Variants in SMARCA2 observed in about 807,000 individuals in gnomAD.
SMARCA2 encodes the protein SWI/SNF-related matrix-associated actin-dependent regulator of chromatin subfamily A member 2.
A neutral mutation model predicts 199.8 loss-of-function variants in SMARCA2; 61 were observed. That is an observed-to-expected ratio of 0.31 (90% CI 0.25 to 0.38). The LOEUF is 0.38. Among genes scored for constraint, SMARCA2 ranks in the 10% least tolerant of loss-of-function variants. The pLI is 1.00. For synonymous variants in SMARCA2, 935 were observed against 732.0 expected (o/e 1.28, Z -4.48); for missense variants, 1,344 against 2,012.2 (o/e 0.67, Z 6.35).
intron 28 of SMARCA2, among the ~76,000 whole-genome samples, chr9:2,167,059 T>G (rs1825967092): frequency 6.6e-6 from 1 of 152,232 alleles, no homozygotes; most frequent in South Asian, 2.1e-4. Flanking sequence ...AGTGTAACAG[T>G]CTCAAATTTT....
At chr9:2,144,234 GTCT>G (rs1399063465) in intron 27 of SMARCA2, among the ~76,000 whole-genome samples, 3 of 152,152 alleles carry the variant, frequency 2.0e-5, no homozygotes, top group Non-Finnish European at 2.9e-5. Flanking sequence ...GCATTCCTCA[GTCT>G]TCTTTTCTGA....
intron 27 of SMARCA2, among the ~76,000 whole-genome samples, chr9:2,152,412 G>A (rs1027717174): frequency 2.6e-5 from 4 of 152,050 alleles, no homozygotes; most frequent in African/African-American, 9.7e-5. Flanking sequence ...GATTAGCCAG[G>A]TGTGGTGGCT....
At chr9:2,129,533 T>C (rs1481401199) in intron 27 of SMARCA2, among the ~76,000 whole-genome samples, 1 of 152,192 alleles carries the variant, frequency 6.6e-6, no homozygotes, top group East Asian at 1.9e-4. Flanking sequence ...AGCTCATCAG[T>C]GTGTTCACTA....
chr9:2,075,309 G>C (rs1233697068), intron 12 of SMARCA2: 1 of 152,268 alleles, frequency 6.6e-6, no homozygotes, highest in African/African-American at 2.4e-5. Flanking sequence ...TGTCATTTAA[G>C]AGTTATGGAA....
chr9:2,047,193 C>T (rs1819892521), intron 4 of SMARCA2, 36 bp from the exon 5 acceptor site: 2 of 1,014,146 alleles, frequency 2.0e-6, no homozygotes, highest in African/African-American at 3.5e-5. Context: ...GGGGCGCCGT[C>T]CCGCCCGAGC....
At chr9:2,157,659 T>C (rs968835963) in intron 27 of SMARCA2, 4 of 378,494 alleles carry the variant, frequency 1.1e-5, no homozygotes, top group Admixed American at 9.0e-5. Context: ...CTGTAAGGAC[T>C]GTGCCACATG....
At chr9:2,045,978 T>A (rs1819825959) in intron 4 of SMARCA2, 1 of 152,210 alleles carries the variant, frequency 6.6e-6, no homozygotes, top group South Asian at 2.1e-4. Context: ...CATTTCTAAT[T>A]GGTGATTGTT....
chr9:2,178,021 A>G (rs1826741949), intron 29 of SMARCA2, among the ~76,000 whole-genome samples: 1 of 151,308 alleles, frequency 6.6e-6, no homozygotes, highest in African/African-American at 2.4e-5. Flanking sequence ...GTAATGAGGA[A>G]AAAAAAAAAC....
At chr9:2,024,378 T>TG (rs1818735386) in intron 1 of SMARCA2, among the ~76,000 whole-genome samples, 1 of 152,174 alleles carries the variant, frequency 6.6e-6, no homozygotes, top group African/African-American at 2.4e-5. Flanking sequence ...TTTATCTTGT[T>TG]GCTACTTACG....
chr9:2,025,957 C>G (rs1818810447), intron 1 of SMARCA2, among the ~76,000 whole-genome samples: 1 of 152,132 alleles, frequency 6.6e-6, no homozygotes, highest in Admixed American at 6.5e-5. Flanking sequence ...TTCCAACACA[C>G]AGGTTTGGAT....
chr9:2,171,066 T>C (rs1253219948), intron 29 of SMARCA2, among the ~76,000 whole-genome samples: 1 of 152,214 alleles, frequency 6.6e-6, no homozygotes, highest in East Asian at 1.9e-4. Flanking sequence ...TCTTTCAACC[T>C]CTGTGTGCCT....
intron 23 of SMARCA2, among the ~76,000 whole-genome samples, chr9:2,109,442 A>C (rs780875577): frequency 8.5e-5 from 13 of 152,318 alleles, no homozygotes; most frequent in Non-Finnish European, 1.3e-4. Context: ...GAATGCCCCA[A>C]AAGTGAGCAC....
At position 2,056,596 on chromosome 9, in the gene SMARCA2, G is replaced by A; in HGVS notation, c.1174-76G>A. 7.4e-7 allele frequency: 1 copy of A among 1,352,956 alleles called. No individual in the cohort carries two copies. 83.8% of individuals were successfully genotyped at this position (1,352,956 alleles called of 1,614,324 possible). A position where few individuals can be genotyped will look rare whatever the true frequency, so the allele number is the denominator to read the frequency against. ...CCCGCCCCACTCTATTCCATTAAAT[G>A]CAACCGCGAGAAGGCCAGAGTTCAG... On this transcript the variant is annotated intron_variant, in intron 6 of 33. Coordinates refer to ENST00000349721, the MANE Select transcript of SMARCA2 (RefSeq NM_003070.5). This position sits in a 1 kb window ranked among gnomAD's most constrained non-coding sequence, Gnocchi z 4.0.
chr9:2,142,798 A>G (rs1322185243), intron 27 of SMARCA2, among the ~76,000 whole-genome samples: 2 of 152,032 alleles, frequency 1.3e-5, no homozygotes, highest in African/African-American at 4.8e-5. Context: ...TCCTCCCTTG[A>G]GCAGTAATCA....
chr9:2,160,534 T>G lies in SMARCA2; in HGVS notation c.3982-1152T>G, dbSNP rs549239303. ...TTGTACATAAGTGAAAGAAATTATG[T>G]CTGAGCTGTAATCACTCTTTATATT... On this transcript the variant is annotated intron_variant, in intron 27 of 33. Coordinates refer to ENST00000349721, the MANE Select transcript of SMARCA2 (RefSeq NM_003070.5). 67 of 679,050 alleles carry G rather than the reference T, an allele frequency of 9.9e-5. No homozygotes were observed. The African/African-American group carries it at 1.1e-3, about 11-fold the overall frequency. The allele number at this position is 679,050 out of a possible 1,614,324, so 42.1% of individuals were successfully genotyped here.
At position 2,039,581 on chromosome 9, in the gene SMARCA2, C is replaced by A. The variant is rs753064421; in HGVS notation, c.471C>A (p.Ile157=). The A allele has an allele frequency of 6.2e-7, 1 of 1,614,216 alleles. No homozygotes were observed. Among genetic ancestry groups the A allele is most frequent in the Non-Finnish European group, 8.5e-7 (1 of 1,180,046 alleles). The part of the protein sequence containing the change: ...QMPPSQPGAL[I]PGDPQAMSQP... ...CACCAAGCCAGCCGGGGGCCCTCAT[C>A]CCAGGTGATCCGCAGGCCATGAGCC... Residue 157 remains isoleucine, a synonymous_variant, in exon 4 of 34, where the codon ATC becomes ATA. Transcript: ENST00000349721. This position sits in a 1 kb window ranked among gnomAD's most constrained non-coding sequence, Gnocchi z 4.8.
rs1563821608 is a variant in SMARCA2, at chr9:2,169,312, C to G, written c.4200-1107C>G. Among the ~76,000 whole-genome samples, 2 of 152,166 alleles carry G rather than the reference C, an allele frequency of 1.3e-5. No individual in the cohort carries two copies. The highest frequency in any genetic ancestry group is 2.9e-5 in the Non-Finnish European group (2 of 68,040). ...CCTAACTTGTCATTTCATATTGTAA[C>G]TTTAGAACTCTTCACAGCGGCCCCG... On this transcript the variant is annotated intron_variant, in intron 28 of 33. Transcript: ENST00000349721. This position sits in a 1 kb window ranked among gnomAD's most constrained non-coding sequence, Gnocchi z 6.5.
chr9:2,096,052 A>AT, intron 19 of SMARCA2, among the ~76,000 whole-genome samples: 1 of 152,346 alleles, frequency 6.6e-6, no homozygotes, highest in East Asian at 1.9e-4. Flanking sequence ...GTCCTCCTTT[A>AT]GATGACCATA....
chr9:2,073,182 A>C, intron 10 of SMARCA2, 30 bp from the exon 11 acceptor site: 2 of 1,613,364 alleles, frequency 1.2e-6, no homozygotes, highest in Non-Finnish European at 1.7e-6. Context: ...CTTAACATGA[A>C]ACCGTGACAT....
Sources: gnomAD v4.1 joint callset for allele counts (sites outside exome capture counted in the v4.1 genomes callset) on GRCh38, gnomAD v4.1.1 for gene constraint, Gnocchi (gnomAD v3.1) non-coding constraint, MANE v1.5 for transcripts, NCBI Gene and HGNC (gene_info 2026-07-23, HGNC 2026-07-21) for gene names.